VCAN: variants seen among roughly 807,000 people sequenced by gnomAD.
VCAN encodes versican.
A neutral mutation model predicts 245.5 loss-of-function variants in VCAN; 44 were observed. The ratio of observed to expected loss-of-function variants is 0.18; its 90% CI spans 0.14 to 0.23. The LOEUF (loss-of-function observed/expected upper bound fraction) is 0.23. Among genes scored for constraint, VCAN ranks in the 10% least tolerant of loss-of-function variants. The pLI, the probability that VCAN is intolerant of heterozygous loss-of-function variation, is 1.00. For synonymous variants in VCAN, 1,413 were observed against 1,437.0 expected, an observed-to-expected ratio of 0.98 and a Z score of 0.38; for missense variants, 3,793 against 4,057.9, an observed-to-expected ratio of 0.93 and a Z score of 1.77.
chr5:83,512,215 G>T lies in VCAN; in HGVS notation c.861G>T (p.Trp287Cys), dbSNP rs776760583. The T allele has an allele frequency of 6.2e-7, 1 of 1,614,202 alleles. No individual in the cohort carries two copies. The highest frequency in any genetic ancestry group is 8.5e-7 in the Non-Finnish European group (1 of 1,180,036). The change falls in exon 6 of 15, where the codon TGG becomes TGT. Residue 287 changes from tryptophan (W) to cysteine (C), a missense_variant. Coordinates refer to ENST00000265077, the MANE Select transcript of VCAN (RefSeq NM_004385.5). ...LATVGELQAAWRNGFDQCDYG... is the reference protein window; with the variant it reads ...LATVGELQAACRNGFDQCDYG... ...CAGTGGGGGAACTCCAGGCGGCATG[G>T]AGGAACGGCTTTGACCAGTGCGATT...
At chr5:83,510,026 T>C (rs561070374) in intron 5 of VCAN, among the ~76,000 whole-genome samples, 1 of 152,350 alleles carries the variant, frequency 6.6e-6, no homozygotes, top group Non-Finnish European at 1.5e-5. Flanking sequence ...TAACTGGCCC[T>C]GTGACCCTTA....
intron 5 of VCAN, among the ~76,000 whole-genome samples, chr5:83,503,367 A>T (rs1745389328): frequency 6.6e-6 from 1 of 152,202 alleles, no homozygotes; most frequent in Non-Finnish European, 1.5e-5. Context: ...ATGGGTATTT[A>T]GAAGCTCATT....
intron 13 of VCAN, among the ~76,000 whole-genome samples, chr5:83,578,979 A>G (rs902555675): frequency 6.6e-6 from 1 of 152,140 alleles, no homozygotes; most frequent in Non-Finnish European, 1.5e-5. Context: ...CAAAATTACA[A>G]AATTTTTCAT....
chr5:83,498,044 C>A (rs1407040796), intron 5 of VCAN, among the ~76,000 whole-genome samples: 2 of 152,124 alleles, frequency 1.3e-5, no homozygotes, highest in African/African-American at 4.8e-5. Context: ...ATAGGCCTAT[C>A]CTCTTATGGC....
intron 5 of VCAN, among the ~76,000 whole-genome samples, chr5:83,508,523 A>G (rs1745547966): frequency 6.6e-6 from 1 of 152,234 alleles, no homozygotes; most frequent in African/African-American, 2.4e-5. Flanking sequence ...GCTTCACTAT[A>G]TCATTAGGTT....
chr5:83,527,962 A>G (rs1746364292), intron 7 of VCAN, among the ~76,000 whole-genome samples: 1 of 152,200 alleles, frequency 6.6e-6, no homozygotes, highest in Non-Finnish European at 1.5e-5. Context: ...ATTGGCAGTT[A>G]CCTCGAGAGA....
At chr5:83,501,768 C>T (rs1463664481) in intron 5 of VCAN, among the ~76,000 whole-genome samples, 1 of 151,998 alleles carries the variant, frequency 6.6e-6, no homozygotes, top group Non-Finnish European at 1.5e-5. Context: ...TTTTAGTATT[C>T]TGGGTTTCTT....
chr5:83,500,145 C>T (rs1745286368), intron 5 of VCAN, among the ~76,000 whole-genome samples: 1 of 152,092 alleles, frequency 6.6e-6, no homozygotes, highest in Non-Finnish European at 1.5e-5. Context: ...GATTTGCGTC[C>T]TTACTGGGCT....
At chr5:83,488,939 A>G (rs1250251920) in intron 2 of VCAN, among the ~76,000 whole-genome samples, 1 of 152,142 alleles carries the variant, frequency 6.6e-6, no homozygotes, top group Non-Finnish European at 1.5e-5. Context: ...TTTTTTTCTT[A>G]AAGGATATAT....
chr5:83,542,673 A>T (rs1747050390), intron 8 of VCAN, among the ~76,000 whole-genome samples: 1 of 152,188 alleles, frequency 6.6e-6, no homozygotes, highest in African/African-American at 2.4e-5. Context: ...GATGGATGCT[A>T]TTGCTGTAGT....
intron 7 of VCAN, among the ~76,000 whole-genome samples, chr5:83,533,793 A>G (rs1320156772): frequency 1.3e-5 from 2 of 152,118 alleles, no homozygotes; most frequent in Non-Finnish European, 2.9e-5. Context: ...ATGGCAAGGA[A>G]GTCCTTATAG....
chr5:83,537,827 G>T lies in VCAN; in HGVS notation c.4824G>T (p.Trp1608Cys). 1 of 1,613,998 alleles carries T rather than the reference G, an allele frequency of 6.2e-7. No homozygotes were observed. The highest frequency in any genetic ancestry group is 8.5e-7 in the Non-Finnish European group (1 of 1,179,948). Residue 1608 changes from tryptophan (W) to cysteine (C), a missense_variant, in exon 8 of 15, where the codon TGG becomes TGT. Trp to Cys is a radical substitution (Grantham distance 215). This residue lies in a region of VCAN where 3,182 missense variants were observed against 3,250.3 expected (regional missense o/e 0.98). Coordinates refer to ENST00000265077, the MANE Select transcript of VCAN (RefSeq NM_004385.5). ...CAGTTACCCTAATAGGAAATCCTTGGCCAGATGACCTGTTGTCTACCAAAG... is the reference window on the plus strand; with the variant it reads ...CAGTTACCCTAATAGGAAATCCTTGTCCAGATGACCTGTTGTCTACCAAAG... ...EEAVTLIGNP[W>C]PDDLLSTKES... is the part of the protein sequence containing the mutation.
chr5:83,540,072 C>A lies in VCAN; in HGVS notation c.7069C>A (p.His2357Asn), dbSNP rs748853681. ...TCTCCCTTTCTCCACGGACATCGGA[C>A]ATCCTCAAAATCAGACTGTCAGGTG... ...APLPFSTDIG[H>N]PQNQTVRWAE... Residue 2357 changes from histidine (H) to asparagine (N), a missense_variant, in exon 8 of 15, where the codon CAT becomes AAT. His to Asn is a moderately conservative substitution (Grantham distance 68). Coordinates refer to ENST00000265077, the MANE Select transcript of VCAN (RefSeq NM_004385.5). 6.2e-7 allele frequency: 1 copy of A among 1,613,948 alleles called. No homozygotes were observed. The highest frequency in any genetic ancestry group is 1.7e-5 in the Admixed American group (1 of 59,962).
rs2112413909 is a variant in VCAN at position 83,522,267 on chromosome 5, G to A, written c.3961G>A (p.Asp1321Asn). 1 of 1,599,530 alleles carries A rather than the reference G, an allele frequency of 6.3e-7. No homozygotes were observed. The change falls in exon 7 of 15, where the codon GAC (aspartate) becomes AAC (asparagine). Residue 1321 changes from aspartate (D) to asparagine (N), a missense_variant. By Grantham distance (23) the Asp-to-Asn change is conservative. Transcript: ENST00000265077. ...CCCAGCAAGCACAAAATTTCACCCT[G>A]ACATTAATGTTTATATTATTGAGGT... ...QPPASTKFHP[D>N]INVYIIEVRE...
intron 1 of VCAN, 106 bp from the exon 2 acceptor site, chr5:83,483,400 ACTTAATG>A: frequency 1.2e-6 from 1 of 826,438 alleles, no homozygotes; most frequent in Non-Finnish European, 2.0e-6. Flanking sequence ...TACTCTTATT[ACTTAATG>A]CTTAATACTA....
At chr5:83,473,623 A>C (rs1444519072) in intron 1 of VCAN, among the ~76,000 whole-genome samples, 2 of 152,132 alleles carry the variant, frequency 1.3e-5, no homozygotes, top group Non-Finnish European at 2.9e-5. Flanking sequence ...GGGAGGAGCG[A>C]GGGAGGCGGT....
intron 5 of VCAN, among the ~76,000 whole-genome samples, chr5:83,499,099 A>G (rs767859832): frequency 6.6e-6 from 1 of 151,746 alleles, no homozygotes; most frequent in Non-Finnish European, 1.5e-5. Context: ...TCTCTTCAAC[A>G]TTGTGATTTT....
At chr5:83,495,098 G>C (rs1745115377) in intron 5 of VCAN, among the ~76,000 whole-genome samples, 1 of 152,160 alleles carries the variant, frequency 6.6e-6, no homozygotes, top group Non-Finnish European at 1.5e-5. Flanking sequence ...ATAGATAATA[G>C]TGTTAAATTA....
intron 1 of VCAN, among the ~76,000 whole-genome samples, chr5:83,472,289 A>G (rs1744222150): frequency 6.6e-6 from 1 of 151,984 alleles, no homozygotes; most frequent in African/African-American, 2.4e-5. Flanking sequence ...TAAAATGACT[A>G]ACGGAATTGG....
Sources: gnomAD v4.1 joint callset for allele counts (sites outside exome capture counted in the v4.1 genomes callset) on GRCh38, gnomAD v4.1.1 for gene constraint, gnomAD v4.1.1 regional missense constraint, MANE v1.5 for transcripts, NCBI Gene and HGNC (gene_info 2026-07-23, HGNC 2026-07-21) for gene names.